Variants in PGAM5 observed in about 807,000 individuals in gnomAD.
PGAM5 encodes the protein PGAM family member 5, mitochondrial serine/threonine protein phosphatase, also known as serine/threonine-protein phosphatase PGAM5, mitochondrial.
Under a neutral mutation model 30.6 loss-of-function variants are expected in PGAM5, and 25 were observed. The ratio of observed to expected loss-of-function variants is 0.82; its 90% CI spans 0.60 to 1.14. PGAM5 has a LOEUF of 1.14. Ranked by LOEUF, PGAM5 falls within the 50% of genes most tolerant of loss-of-function variation. PGAM5 has a pLI of 0.00. For synonymous variants in PGAM5, 201 were observed against 179.1 expected (o/e 1.12, Z -0.98); for missense variants, 384 against 408.5 (o/e 0.94, Z 0.52).
intron 2 of PGAM5, among the ~76,000 whole-genome samples, chr12:132,715,621 G>A (rs2043568590): frequency 6.7e-6 from 1 of 148,838 alleles, no homozygotes; most frequent in Non-Finnish European, 1.5e-5. Flanking sequence ...GCTCACGCCT[G>A]TAATCCCAAC....
intron 1 of PGAM5, 129 bp downstream of exon 1, chr12:132,711,196 C>G (rs2043518403): frequency 2.7e-6 from 2 of 736,860 alleles, no homozygotes; most frequent in African/African-American, 1.9e-5. Flanking sequence ...TCTGCTTTCC[C>G]CAGCGGAGGA....
intron 5 of PGAM5, chr12:132,718,886 G>A: frequency 3.1e-6 from 5 of 1,607,086 alleles, no homozygotes; most frequent in Non-Finnish European, 4.2e-6. Context: ...GCTCCCCTCT[G>A]GGTCGAGGCC....
intron 2 of PGAM5, among the ~76,000 whole-genome samples, chr12:132,716,387 AT>A (rs761735058): frequency 2.9e-3 from 398 of 138,826 alleles, no homozygotes; most frequent in Middle Eastern, 3.9e-3. Context: ...ACCCAGCCTA[AT>A]TTTTTTTTTT....
chr12:132,718,042 G>T lies in PGAM5; in HGVS notation c.641G>T (p.Arg214Leu), dbSNP rs1236013803. ...GCCGCCTTCCGGAACTACATCCACC[G>T]CGCAGATGCCAGGCAGGAGGAGGAC... ...IEAAFRNYIH[R>L]ADARQEEDSY... Residue 214 changes from arginine to leucine, a missense_variant, in exon 5 of 6, where the codon CGC (arginine) becomes CTC (leucine). Coordinates refer to ENST00000498926, the MANE Select transcript of PGAM5 (RefSeq NM_001170543.2). 2 of 1,612,714 alleles carry T rather than the reference G, an allele frequency of 1.2e-6. No individual in the cohort carries two copies. Among genetic ancestry groups the T allele is most frequent in the African/African-American group, 2.7e-5 (2 of 74,922 alleles).
chr12:132,717,313 G>GGTGTTTGAGGGTGGAGGAGGGC lies in PGAM5; in HGVS notation c.371-119_371-118insAGGGTGGAGGAGGGCGTGTTTG, dbSNP rs1565999411. On this transcript the variant is annotated intron_variant, in intron 2 of 5. Transcript: ENST00000498926. ...GGTCGTGTTTGCGGGCGGAGGAGGGGGTGTTTGCGGGCGGAGGAGGGGGTG... is the reference window on the plus strand; with the variant it reads ...GGTCGTGTTTGCGGGCGGAGGAGGGGGTGTTTGAGGGTGGAGGAGGGCGTGTTTGCGGGCGGAGGAGGGGGTG... 7.1e-5 allele frequency: 73 copies of GGTGTTTGAGGGTGGAGGAGGGC among 1,031,258 alleles called. 1 individual carries two copies. The highest frequency in any genetic ancestry group is 6.9e-4 in the Middle Eastern group (2 of 2,898). The allele number at this position is 1,031,258 out of a possible 1,614,324, so 63.9% of individuals were successfully genotyped here.
intron 5 of PGAM5, chr12:132,719,302 T>C (rs1593122127): frequency 1.0e-6 from 1 of 998,148 alleles, no homozygotes; most frequent in Non-Finnish European, 1.2e-6. Context: ...GGCTGGGCCC[T>C]GGTCTCTGCC....
At position 132,721,039 on chromosome 12, in the gene PGAM5, G is replaced by C; in HGVS notation, c.*211G>C. ...GACCATGAACCCCCAGGATGGCGTGGGGTTTAAGGTGAAAGCGTCTCACGC... is the reference window on the plus strand; with the variant it reads ...GACCATGAACCCCCAGGATGGCGTGCGGTTTAAGGTGAAAGCGTCTCACGC... On this transcript the variant is annotated 3_prime_UTR_variant, in exon 6 of 6. Transcript: ENST00000498926. 3 of 565,236 alleles carry C rather than the reference G, an allele frequency of 5.3e-6. No homozygotes were observed. Among genetic ancestry groups the C allele is most frequent in the Non-Finnish European group, 8.9e-6 (3 of 338,004 alleles). The allele number at this position is 565,236 out of a possible 1,614,324, so 35.0% of individuals were successfully genotyped here. A position where few individuals can be genotyped will look rare whatever the true frequency, so the allele number is the denominator to read the frequency against.
chr12:132,717,565 G>C lies in PGAM5; in HGVS notation c.496+1G>C, dbSNP rs2043593638. The C allele has an allele frequency of 6.2e-7, 1 of 1,610,688 alleles. No homozygotes were observed. The highest frequency in any genetic ancestry group is 8.5e-7 in the Non-Finnish European group (1 of 1,179,840). ...GATATCATCAGCCGGCACCTGCCAG[G>C]TGAGTGCTGCGCGCGGGGCCTCCAT... On this transcript the variant is annotated splice_donor_variant, in intron 3 of 5. Coordinates refer to ENST00000498926, the MANE Select transcript of PGAM5 (RefSeq NM_001170543.2). LOFTEE classifies it high-confidence loss of function.
chr12:132,715,584 A>AAAAT, intron 2 of PGAM5, among the ~76,000 whole-genome samples: 1 of 142,318 alleles, frequency 7.0e-6, no homozygotes, highest in Non-Finnish European at 1.5e-5. Flanking sequence ...AAAAAAAAAA[A>AAAAT]TGTCCTTACC....
chr12:132,717,043 G>A (rs539587718), intron 2 of PGAM5, among the ~76,000 whole-genome samples: 1 of 152,358 alleles, frequency 6.6e-6, no homozygotes, highest in Admixed American at 6.5e-5. Flanking sequence ...CGCGTGGTTG[G>A]GGGCCTGTGA....
chr12:132,717,911 GGC>G, intron 4 of PGAM5, 74 bp from the exon 5 acceptor site: 1 of 1,600,498 alleles, frequency 6.2e-7, no homozygotes, highest in Non-Finnish European at 8.5e-7. Flanking sequence ...TTCCCCGGGC[GGC>G]GATGGGGTCT....
Position 132,717,834 on chromosome 12 carries a change from C to T in PGAM5, c.585+36C>T, listed in dbSNP as rs370878904. On this transcript the variant is annotated intron_variant, in intron 4 of 5. Coordinates refer to ENST00000498926, the MANE Select transcript of PGAM5 (RefSeq NM_001170543.2). Reference sequence around the variant, plus strand: ...CCCCGGGGGGCAGCTGTGTCACCCTCGCCTTCCCTGGGCAAAGCGGCCCTG... The same window carrying T: ...CCCCGGGGGGCAGCTGTGTCACCCTTGCCTTCCCTGGGCAAAGCGGCCCTG... The T allele has an allele frequency of 4.9e-5, 77 of 1,578,798 alleles. 1 individual carries two copies. The African/African-American group carries it at 5.9e-4, about 12-fold the overall frequency.
Position 132,717,788 on chromosome 12 carries a change from C to T in PGAM5, c.575C>T (p.Pro192Leu), listed in dbSNP as rs2043597170. The T allele has an allele frequency of 4.4e-6, 7 of 1,586,358 alleles. No individual in the cohort carries two copies. The highest frequency in any genetic ancestry group is 1.7e-4 in the Middle Eastern group (1 of 6,020). ...GACCCGCCCGTGTCTCATTGGAAGC[C>T]GGAAGCTGTGGTAAAAACCTCCCCG... The part of the protein sequence containing the change: ...EPDPPVSHWK[P>L]EAVQYYEDGA... The change falls in exon 4 of 6, where the codon CCG (proline) becomes CTG (leucine). Residue 192 changes from proline to leucine, a missense_variant. Pro to Leu is a moderately conservative substitution (Grantham distance 98). Transcript: ENST00000498926.
intron 1 of PGAM5, 103 bp from the exon 2 acceptor site, chr12:132,714,755 T>C (rs932452780): frequency 3.6e-5 from 49 of 1,359,588 alleles, no homozygotes; most frequent in Non-Finnish European, 4.8e-5. Context: ...CTTCTCTCCA[T>C]GCTCTTCCCA....
intron 4 of PGAM5, 61 bp downstream of exon 4, chr12:132,717,859 G>A: frequency 1.3e-6 from 2 of 1,588,516 alleles, no homozygotes; most frequent in Non-Finnish European, 1.7e-6. Context: ...AAGCGGCCCT[G>A]CTGGGCTCAC....
rs138857926 is a variant in PGAM5 at position 132,714,936 on chromosome 12, C to T, written c.270C>T (p.Asp90=). 9 of 1,613,566 alleles carry T rather than the reference C, an allele frequency of 5.6e-6. No individual in the cohort carries two copies. The highest frequency in any genetic ancestry group is 7.6e-6 in the Non-Finnish European group (9 of 1,180,022). The change falls in exon 2 of 6, where the codon GAC becomes GAT. Residue 90 remains aspartate (D), a synonymous_variant. Transcript: ENST00000498926. ...SGEEELASKL[D]HYKAKATRHI... is the part of the protein sequence containing the mutation. ...AAGAAGAGCTGGCGTCCAAGCTGGA[C>T]CACTACAAAGCCAAGGCCACGCGGC...
rs750730999 is a variant in PGAM5 at position 132,715,055 on chromosome 12, T to C, written c.370+19T>C. 3 of 1,591,874 alleles carry C rather than the reference T, an allele frequency of 1.9e-6. No homozygotes were observed. Among genetic ancestry groups the C allele is most frequent in the Middle Eastern group, 1.7e-4 (1 of 5,882 alleles). Reference sequence around the variant, plus strand: ...CCGCTGGGTATGTGGTGGGTTCAGATCCTCTGTGGACCCTCGTGGTTATGT... The same window carrying C: ...CCGCTGGGTATGTGGTGGGTTCAGACCCTCTGTGGACCCTCGTGGTTATGT... On this transcript the variant is annotated intron_variant, in intron 2 of 5. Transcript: ENST00000498926.
chr12:132,713,663 C>T (rs756296747), intron 1 of PGAM5, among the ~76,000 whole-genome samples: 44 of 152,232 alleles, frequency 2.9e-4, no homozygotes, highest in Admixed American at 1.6e-3. Flanking sequence ...CCAGCTCTGC[C>T]GCGTTGAACT....
intron 1 of PGAM5, chr12:132,711,480 C>G (rs999327547): frequency 1.3e-5 from 2 of 153,618 alleles, no homozygotes; most frequent in African/African-American, 2.4e-5. Flanking sequence ...GCTTAGTTTA[C>G]GTCAATTTAA....
Sources: allele counts gnomAD v4.1 joint callset (sites outside exome capture counted in the v4.1 genomes callset), GRCh38; gene constraint gnomAD v4.1.1; transcripts MANE v1.5; gene names NCBI Gene and HGNC (gene_info 2026-07-23, HGNC 2026-07-21).